TRAF3IP3: variants seen among roughly 807,000 people sequenced by gnomAD.
TRAF3IP3 encodes the protein TRAF3-interacting JNK-activating modulator.
TRAF3IP3 carries 64 observed loss-of-function variants against 86.5 expected under a neutral mutation model. The observed-to-expected ratio is 0.74, with a 90% CI of 0.60 to 0.91. The LOEUF (loss-of-function observed/expected upper bound fraction) is 0.91, where lower values mean the gene tolerates loss of function less well. Ranked by LOEUF, TRAF3IP3 falls within the 40% of genes least tolerant of loss-of-function variation. The pLI, the probability that TRAF3IP3 is intolerant of heterozygous loss-of-function variation, is 0.00. For missense variants in TRAF3IP3, 579 were observed against 642.9 expected, an observed-to-expected ratio of 0.90 and a Z score of 1.07; for synonymous variants, 220 against 243.9, an observed-to-expected ratio of 0.90 and a Z score of 0.91.
Position 209,760,005 on chromosome 1 carries a change from T to A in TRAF3IP3, c.-35T>A. 6.4e-7 allele frequency: 1 copy of A among 1,567,852 alleles called. No homozygotes were observed. Among genetic ancestry groups the A allele is most frequent in the Non-Finnish European group, 8.7e-7 (1 of 1,143,092 alleles). On this transcript the variant is annotated 5_prime_UTR_variant, in exon 3 of 17. Transcript: ENST00000367025. ...AGATCCAGGCATCTATTCCAGGAAC[T>A]GGAAGCCAAGCGCAACAGGTGCTTG...
At chr1:209,781,595 T>C in intron 16 of TRAF3IP3, 137 bp downstream of exon 16, 1 of 580,074 alleles carries the variant, frequency 1.7e-6, no homozygotes, top group Non-Finnish European at 3.1e-6. Flanking sequence ...TATACTATAC[T>C]GACATTATGG....
At chr1:209,759,907 C>A in intron 2 of TRAF3IP3, 75 bp from the exon 3 acceptor site, 1 of 702,574 alleles carries the variant, frequency 1.4e-6, no homozygotes, top group East Asian at 2.6e-5. Flanking sequence ...TTTCTGCCCC[C>A]TGGTCTAGGG....
At chr1:209,770,404 T>G (rs535170831) in intron 8 of TRAF3IP3, among the ~76,000 whole-genome samples, 2 of 150,618 alleles carry the variant, frequency 1.3e-5, no homozygotes, top group African/African-American at 4.9e-5. Context: ...TGTGTGCAGG[T>G]GGAGGTGTGT....
rs2077698165 is a variant in TRAF3IP3 at position 209,778,147 on chromosome 1, T to C, written c.1226T>C (p.Leu409Pro). The C allele has an allele frequency of 6.2e-7, 1 of 1,614,050 alleles. No individual in the cohort carries two copies. Among genetic ancestry groups the C allele is most frequent in the East Asian group, 2.2e-5 (1 of 44,898 alleles). The change falls in exon 13 of 17, where the codon CTG becomes CCG. Residue 409 changes from leucine (L) to proline (P), a missense_variant. Coordinates refer to ENST00000367025, the MANE Select transcript of TRAF3IP3 (RefSeq NM_025228.4). ...LKRSEAEKLT[L>P]VTRVQQLQGL... ...AGGTCAGAGGCAGAGAAACTCACCC[T>C]GGTGACCAGAGTACAGCAGTTGCAG... is the stretch of plus-strand genomic sequence containing the variant.
rs749232023 is a variant in TRAF3IP3 at position 209,773,005 on chromosome 1, T to C, written c.760T>C (p.Tyr254His). 5.6e-6 allele frequency: 9 copies of C among 1,613,230 alleles called. No homozygotes were observed. The highest frequency in any genetic ancestry group is 4.0e-5 in the African/African-American group (3 of 74,922). Residue 254 changes from tyrosine (Y) to histidine (H), a missense_variant, in exon 9 of 17, where the codon TAC (tyrosine) becomes CAC (histidine). By Grantham distance (83) the Tyr-to-His change is moderately conservative. Transcript: ENST00000367025. ...ACTGAGATCCTTAGAAAACCAGCTA[T>C]ACACCTGTACCCAGGTAAGCATTCT... Reference protein sequence around the residue: ...GKLRSLENQLYTCTQKYSPWG... With the variant: ...GKLRSLENQLHTCTQKYSPWG...
At chr1:209,765,226 A>AGAGAGAGAGAGAGAGAGAGAGAGG (rs2077327807) in intron 8 of TRAF3IP3, among the ~76,000 whole-genome samples, 1 of 77,092 alleles carries the variant, frequency 1.3e-5, no homozygotes, top group Admixed American at 1.6e-4. Context: ...AGAGAGAGAG[A>AGAGAGAGAGAGAGAGAGAGAGAGG]GAGGAAGGAA....
intron 12 of TRAF3IP3, 40 bp from the exon 13 acceptor site, chr1:209,778,071 T>C (rs1438632702): frequency 8.2e-6 from 13 of 1,579,510 alleles, no homozygotes; most frequent in African/African-American, 2.7e-5. Context: ...TCATTAAGTC[T>C]TGGGTTCCTT....
intron 14 of TRAF3IP3, 81 bp from the exon 15 acceptor site, chr1:209,780,389 C>A: frequency 2.3e-6 from 3 of 1,326,504 alleles, no homozygotes; most frequent in Admixed American, 5.7e-5. Flanking sequence ...CCCCTCTCCC[C>A]ACTCCTAGTG....
chr1:209,771,746 T>A (rs111214323), intron 8 of TRAF3IP3, among the ~76,000 whole-genome samples: 1 of 122,948 alleles, frequency 8.1e-6, no homozygotes, highest in Admixed American at 8.5e-5. Context: ...TGTGGAGGTG[T>A]GTGCGCGCAT....
At chr1:209,781,622 C>A in intron 16 of TRAF3IP3, 164 bp downstream of exon 16, 1 of 538,130 alleles carries the variant, frequency 1.9e-6, no homozygotes, top group African/African-American at 1.9e-5. Flanking sequence ...TTGAAAAAAA[C>A]ACTGGCTCGT....
chr1:209,779,244 C>A, intron 13 of TRAF3IP3, 71 bp from the exon 14 acceptor site: 1 of 1,320,624 alleles, frequency 7.6e-7, no homozygotes, highest in Non-Finnish European at 1.1e-6. Flanking sequence ...AGGTTCTAAG[C>A]AAAGTTCTGA....
chr1:209,777,296 C>T lies in TRAF3IP3; in HGVS notation c.1054-56C>T. On this transcript the variant is annotated intron_variant, in intron 11 of 16. Transcript: ENST00000367025. The stretch of plus-strand genomic sequence containing the variant: ...TTCCTCTTCCATGGTACCCGCCCCC[C>T]AACCTCCACCCCAACACTGACCTCC... 4.7e-6 allele frequency: 7 copies of T among 1,497,574 alleles called. No homozygotes were observed. In the South Asian group the frequency reaches 7.8e-5, roughly 17 times the overall value. 92.8% of individuals were successfully genotyped at this position (1,497,574 alleles called of 1,614,324 possible). A position where few individuals can be genotyped will look rare whatever the true frequency, so the allele number is the denominator to read the frequency against.
At position 209,781,408 on chromosome 1, in the gene TRAF3IP3, C is replaced by G. The variant is rs576975985; in HGVS notation, c.1513C>G (p.Leu505Val). The G allele has an allele frequency of 6.8e-6, 11 of 1,613,808 alleles. No individual in the cohort carries two copies. In the South Asian group the frequency reaches 8.8e-5, roughly 13 times the overall value. The change falls in exon 16 of 17, where the codon CTG (leucine) becomes GTG (valine). Residue 505 changes from leucine to valine, a missense_variant. By Grantham distance (32) the Leu-to-Val change is conservative. Transcript: ENST00000367025. ...SDEYLSCLRK[L>V]QHCREELNQS... ...CGAGTATCTCTCCTGCCTGCGTAAGCTGCAGCACTGTCGAGAAGAGCTGAA... is the reference window on the plus strand; with the variant it reads ...CGAGTATCTCTCCTGCCTGCGTAAGGTGCAGCACTGTCGAGAAGAGCTGAA...
intron 1 of TRAF3IP3, among the ~76,000 whole-genome samples, chr1:209,757,916 G>A (rs1280762672): frequency 6.6e-6 from 1 of 152,162 alleles, no homozygotes; most frequent in Non-Finnish European, 1.5e-5. Flanking sequence ...AGGAGACTGG[G>A]GCTTAGAGAT....
chr1:209,768,492 T>A (rs779688194), intron 8 of TRAF3IP3: 39 of 985,456 alleles, frequency 4.0e-5, no homozygotes, highest in Non-Finnish European at 4.7e-5. Context: ...GATCTTGAGA[T>A]GACAGCGCAG....
intron 5 of TRAF3IP3, 22 bp from the exon 6 acceptor site, chr1:209,763,046 T>G: frequency 1.2e-6 from 2 of 1,613,578 alleles, no homozygotes; most frequent in South Asian, 2.2e-5. Flanking sequence ...TTATCATTAT[T>G]TTTAATTTCT....
intron 8 of TRAF3IP3, chr1:209,768,277 A>G (rs576842348): frequency 1.0e-6 from 1 of 985,456 alleles, no homozygotes; most frequent in East Asian, 1.1e-4. Context: ...CCCAAGGATC[A>G]GCTCCCTCCG....
intron 8 of TRAF3IP3, among the ~76,000 whole-genome samples, chr1:209,765,233 G>GAGAGA (rs1558013097): frequency 1.1e-5 from 1 of 87,968 alleles, no homozygotes; most frequent in African/African-American, 4.5e-5. Context: ...GAGAGAGGAA[G>GAGAGA]GAAGGAAGGA....
chr1:209,775,513 G>A (rs2077633876), intron 10 of TRAF3IP3, 24 bp downstream of exon 10: 7 of 1,614,098 alleles, frequency 4.3e-6, no homozygotes, highest in Non-Finnish European at 5.9e-6. Context: ...ACATAGACAT[G>A]GGGCTGGGGA....
Sources: allele counts gnomAD v4.1 joint callset (sites outside exome capture counted in the v4.1 genomes callset), GRCh38; gene constraint gnomAD v4.1.1; transcripts MANE v1.5; gene names NCBI Gene and HGNC (gene_info 2026-07-23, HGNC 2026-07-21).